Variants in SRRM3 observed in about 807,000 individuals in gnomAD.
SRRM3 encodes the protein serine/arginine repetitive matrix 3.
SRRM3 carries 27 observed loss-of-function variants against 66.2 expected under a neutral mutation model. The observed-to-expected ratio is 0.41, with a 90% CI of 0.30 to 0.56. The LOEUF (loss-of-function observed/expected upper bound fraction) is 0.56. Among genes scored for constraint, SRRM3 ranks in the 20% least tolerant of loss-of-function variants. SRRM3 has a pLI of 0.32. For synonymous variants in SRRM3, 391 were observed against 414.9 expected (o/e 0.94, Z 0.70); for missense variants, 918 against 991.9 (o/e 0.93, Z 1.00).
chr7:76,258,247 G>A (rs1801762178), intron 3 of SRRM3, among the ~76,000 whole-genome samples: 1 of 152,170 alleles, frequency 6.6e-6, no homozygotes, highest in Admixed American at 6.5e-5. Flanking sequence ...GAGAGGCTAT[G>A]AATATTTCAG....
intron 3 of SRRM3, among the ~76,000 whole-genome samples, chr7:76,254,668 A>G (rs904055226): frequency 6.6e-6 from 1 of 152,156 alleles, no homozygotes; most frequent in Non-Finnish European, 1.5e-5. Flanking sequence ...GTCAGTATCA[A>G]CTGAAGCTCC....
chr7:76,212,970 C>T (rs1257717253), intron 1 of SRRM3, among the ~76,000 whole-genome samples: 1 of 149,242 alleles, frequency 6.7e-6, no homozygotes, highest in African/African-American at 2.5e-5. Flanking sequence ...GGGCCCGGTG[C>T]TGCTTCTTCC....
intron 1 of SRRM3, among the ~76,000 whole-genome samples, chr7:76,217,257 G>A (rs1554602689): frequency 6.6e-6 from 1 of 152,160 alleles, no homozygotes; most frequent in African/African-American, 2.4e-5. Flanking sequence ...CACAGAAAGA[G>A]CACGGCTCAA....
At chr7:76,255,730 G>A (rs113724077) in intron 3 of SRRM3, among the ~76,000 whole-genome samples, 1 of 152,240 alleles carries the variant, frequency 6.6e-6, no homozygotes, top group Non-Finnish European at 1.5e-5. Flanking sequence ...TTACAGGCAT[G>A]AGCCATCACA....
intron 3 of SRRM3, among the ~76,000 whole-genome samples, chr7:76,251,390 T>G (rs1801577707): frequency 6.6e-6 from 1 of 151,930 alleles, no homozygotes; most frequent in Non-Finnish European, 1.5e-5. Flanking sequence ...TTTTTTTTTT[T>G]TTGAGACGGA....
intron 11 of SRRM3, among the ~76,000 whole-genome samples, chr7:76,276,224 C>T (rs868977869): frequency 9.2e-5 from 14 of 152,142 alleles, no homozygotes; most frequent in African/African-American, 1.7e-4. Context: ...CTCATTCATT[C>T]GTTCCCACAC....
intron 6 of SRRM3, among the ~76,000 whole-genome samples, 169 bp from the exon 7 acceptor site, chr7:76,261,183 C>A (rs1000136274): frequency 2.6e-5 from 4 of 151,974 alleles, no homozygotes; most frequent in East Asian, 3.9e-4. Context: ...CCCTGAGGGA[C>A]CTTGGCGACC....
intron 11 of SRRM3, among the ~76,000 whole-genome samples, chr7:76,271,605 T>C (rs1563637909): frequency 6.6e-6 from 1 of 152,212 alleles, no homozygotes; most frequent in Non-Finnish European, 1.5e-5. Context: ...ATTGCGCCAC[T>C]GCACTCCAGC....
chr7:76,231,505 G>T (rs181319587), intron 1 of SRRM3, among the ~76,000 whole-genome samples: 2 of 152,364 alleles, frequency 1.3e-5, no homozygotes, highest in East Asian at 3.9e-4. Context: ...AGGCTGGGGA[G>T]CCTTGCCCAG....
At chr7:76,259,792 C>A in intron 3 of SRRM3, 114 bp from the exon 4 acceptor site, 1 of 1,536,970 alleles carries the variant, frequency 6.5e-7, no homozygotes, top group Non-Finnish European at 8.8e-7. Flanking sequence ...CGCCCCTCCC[C>A]CAGCCGGGTA....
chr7:76,277,350 C>T lies in SRRM3; in HGVS notation c.1009-4091C>T, dbSNP rs188813254. On this transcript the variant is annotated intron_variant, in intron 11 of 14. Coordinates refer to ENST00000611745, the MANE Select transcript of SRRM3 (RefSeq NM_001110199.3). ...CAGTATCTGTGGGAAGGACCCATCA[C>T]GGCCTGTGGTCTTCCTCGCCTACTG... 2.9e-3 allele frequency among the ~76,000 whole-genome samples: 446 copies of T among 152,282 alleles called. 3 individuals carry two copies. Among genetic ancestry groups the T allele is most frequent in the Middle Eastern group, 0.02 (6 of 294 alleles).
At chr7:76,259,122 G>A (rs1801791771) in intron 3 of SRRM3, among the ~76,000 whole-genome samples, 1 of 151,216 alleles carries the variant, frequency 6.6e-6, no homozygotes, top group African/African-American at 2.4e-5. Context: ...AGGGTTCAGT[G>A]AGAGAAAGGA....
At chr7:76,280,681 C>T (rs1554611705) in intron 11 of SRRM3, among the ~76,000 whole-genome samples, 1 of 151,578 alleles carries the variant, frequency 6.6e-6, no homozygotes, top group Non-Finnish European at 1.5e-5. Context: ...GCAGGGCAGG[C>T]GCGGGGAACC....
At chr7:76,228,621 G>A (rs1242626574) in intron 1 of SRRM3, among the ~76,000 whole-genome samples, 2 of 152,182 alleles carry the variant, frequency 1.3e-5, no homozygotes, top group Admixed American at 6.5e-5. Flanking sequence ...CTACTCAGGA[G>A]GCTAAGAAAG....
chr7:76,239,636 G>A (rs1024154242), intron 2 of SRRM3, among the ~76,000 whole-genome samples: 4 of 152,054 alleles, frequency 2.6e-5, no homozygotes, highest in Admixed American at 6.6e-5. Flanking sequence ...CTGAGAAGTC[G>A]AGGCTGCAGC....
chr7:76,261,493 C>T (rs1801868665), intron 7 of SRRM3, 53 bp from the exon 8 acceptor site: 2 of 1,603,002 alleles, frequency 1.2e-6, no homozygotes, highest in Admixed American at 3.4e-5. Context: ...CTCCATAGGT[C>T]TCCCCTGGGC....
chr7:76,280,515 TC>T (rs1418638794), intron 11 of SRRM3, among the ~76,000 whole-genome samples: 13 of 150,486 alleles, frequency 8.6e-5, no homozygotes, highest in South Asian at 6.3e-4. Context: ...GTCCGTCCCA[TC>T]GGGGGGGCAA....
intron 3 of SRRM3, among the ~76,000 whole-genome samples, chr7:76,259,408 G>A (rs74554249): frequency 0.07 from 10,587 of 151,740 alleles, 891 homozygotes; most frequent in African/African-American, 0.19. Flanking sequence ...GTGAGACCCC[G>A]TCTCTGCAAA....
At chr7:76,274,010 C>A (rs1394968573) in intron 11 of SRRM3, among the ~76,000 whole-genome samples, 2 of 152,242 alleles carry the variant, frequency 1.3e-5, no homozygotes, top group South Asian at 4.1e-4. Context: ...GAACTGTATG[C>A]TGCAGTGAAG....
Sources: allele counts gnomAD v4.1 joint callset (sites outside exome capture counted in the v4.1 genomes callset), GRCh38; gene constraint gnomAD v4.1.1; transcripts MANE v1.5; gene names NCBI Gene and HGNC (gene_info 2026-07-23, HGNC 2026-07-21).